DPYSL4: variants seen among roughly 807,000 people sequenced by gnomAD.
DPYSL4 encodes dihydropyrimidinase like 4.
Under a neutral mutation model 63.4 loss-of-function variants are expected in DPYSL4, and 43 were observed. The observed-to-expected ratio is 0.68, with a 90% CI of 0.53 to 0.88. The LOEUF is 0.88. Among genes scored for constraint, DPYSL4 ranks in the 40% least tolerant of loss-of-function variants. The pLI, the probability that DPYSL4 is intolerant of heterozygous loss-of-function variation, is 0.00. For missense variants in DPYSL4, 733 were observed against 819.5 expected (o/e 0.89, Z 1.29); for synonymous variants, 353 against 331.7 (o/e 1.06, Z -0.70).
chr10:132,190,158 GTGA>G (rs1269426332), intron 1 of DPYSL4, among the ~76,000 whole-genome samples: 13 of 152,290 alleles, frequency 8.5e-5, no homozygotes, highest in Admixed American at 8.5e-4. Flanking sequence ...GTCACCGACT[GTGA>G]TGATCTGTGC....
Position 132,195,015 on chromosome 10 carries a change from G to T in DPYSL4, c.478+6G>T. ...GGCCCTGGTCAAGGAGAAGGGTGAG[G>T]GTGGCTGGAGGGGCTGGAGGGCGGG... On this transcript the variant is annotated splice_donor_region_variant and intron_variant, in intron 4 of 13. Coordinates refer to ENST00000338492, the MANE Select transcript of DPYSL4 (RefSeq NM_006426.3). The T allele has an allele frequency of 6.2e-7, 1 of 1,600,300 alleles. No individual in the cohort carries two copies. Among genetic ancestry groups the T allele is most frequent in the Non-Finnish European group, 8.5e-7 (1 of 1,179,166 alleles).
chr10:132,203,162 C>A (rs552233580), intron 12 of DPYSL4, among the ~76,000 whole-genome samples: 3 of 152,222 alleles, frequency 2.0e-5, no homozygotes, highest in Non-Finnish European at 4.4e-5. Context: ...CGGGAGCTGC[C>A]CAGTTGGACC....
chr10:132,188,086 T>A (rs2061828896), intron 1 of DPYSL4, among the ~76,000 whole-genome samples: 1 of 152,138 alleles, frequency 6.6e-6, no homozygotes, highest in Non-Finnish European at 1.5e-5. Context: ...CAGAGGGTTC[T>A]GCCCGGCTGG....
chr10:132,198,747 T>A, intron 7 of DPYSL4, 104 bp from the exon 8 acceptor site: 1 of 1,525,166 alleles, frequency 6.6e-7, no homozygotes, highest in Non-Finnish European at 8.9e-7. Context: ...TAGGCTGCCC[T>A]GAGCCTGGGA....
rs185862088 is a variant in DPYSL4 at position 132,187,359 on chromosome 10, G to C, written c.39+257G>C. Among the ~76,000 whole-genome samples, 152 of 28,638 alleles carry C rather than the reference G, an allele frequency of 5.3e-3. 1 individual carries two copies. The highest frequency in any genetic ancestry group is 0.012 in the Middle Eastern group (1 of 84). The allele number at this position is 28,638 out of a possible 152,430, so 18.8% of individuals were successfully genotyped here. ...CGGCCCGGCCCTGCCCGGCCCTGCCGGGCCCTGCCGGGCCCTGCCCGGCCT... is the reference window on the plus strand; with the variant it reads ...CGGCCCGGCCCTGCCCGGCCCTGCCCGGCCCTGCCGGGCCCTGCCCGGCCT... On this transcript the variant is annotated intron_variant, in intron 1 of 13. Coordinates refer to ENST00000338492, the MANE Select transcript of DPYSL4 (RefSeq NM_006426.3).
Position 132,202,816 on chromosome 10 carries a change from T to C in DPYSL4, c.1452T>C (p.Ala484=), listed in dbSNP as rs752415311. ...ACTTTGTCTACAAGAGGATCAAAGC[T>C]CGCAACAGGGTAGGGCGGCACCCGC... ...FPDFVYKRIK[A]RNRLAEIHGV... The change falls in exon 12 of 14, where the codon GCT becomes GCC. Residue 484 remains alanine (A), a synonymous_variant. Transcript: ENST00000338492. 3 of 1,598,616 alleles carry C rather than the reference T, an allele frequency of 1.9e-6. No individual in the cohort carries two copies. The South Asian group carries it at 3.4e-5, about 18-fold the overall frequency.
In DPYSL4 at chr10:132,203,859, C is replaced by T. The variant is rs953495209; in HGVS notation, c.1559C>T (p.Ala520Val). ...CCAGGGAGTGGCGCTCCGGCCCGCGCGTCCTGCCCAGGCAAGATCTCCGTC... is the reference window on the plus strand; with the variant it reads ...CCAGGGAGTGGCGCTCCGGCCCGCGTGTCCTGCCCAGGCAAGATCTCCGTC... ...AKPGSGAPARASCPGKISVPP... is the reference protein window; with the variant it reads ...AKPGSGAPARVSCPGKISVPP... The change falls in exon 13 of 14, where the codon GCG becomes GTG. Residue 520 changes from alanine to valine, a missense_variant. By Grantham distance (64) the Ala-to-Val change is moderately conservative. Coordinates refer to ENST00000338492, the MANE Select transcript of DPYSL4 (RefSeq NM_006426.3). 20 of 1,612,892 alleles carry T rather than the reference C, an allele frequency of 1.2e-5. No homozygotes were observed. Among genetic ancestry groups the T allele is most frequent in the Middle Eastern group, 1.6e-4 (1 of 6,082 alleles).
intron 1 of DPYSL4, among the ~76,000 whole-genome samples, chr10:132,189,179 C>T (rs1280869312): frequency 1.3e-5 from 2 of 152,270 alleles, no homozygotes. Context: ...GCGGCCGGAC[C>T]TCCCTGTTAA....
At chr10:132,198,590 T>C in intron 7 of DPYSL4, 107 bp downstream of exon 7, 1 of 1,236,662 alleles carries the variant, frequency 8.1e-7, no homozygotes, top group Non-Finnish European at 1.1e-6. Flanking sequence ...GCCACTGTGC[T>C]CGCCCCGACC....
intron 1 of DPYSL4, among the ~76,000 whole-genome samples, chr10:132,187,845 C>A (rs1168785192): frequency 2.0e-5 from 3 of 152,214 alleles, no homozygotes; most frequent in Non-Finnish European, 4.4e-5. Context: ...AAAGCCTCCC[C>A]GCTCGGGCGG....
chr10:132,194,952 A>G lies in DPYSL4; in HGVS notation c.421A>G (p.Ile141Val). 3 of 1,611,524 alleles carry G rather than the reference A, an allele frequency of 1.9e-6. No individual in the cohort carries two copies. The highest frequency in any genetic ancestry group is 1.1e-5 in the South Asian group (1 of 91,070). ...CTGCGACTACTCCCTGCACGTGGAC[A>G]TCACCCGATGGCATGAGAGCATCAA... Reference protein sequence around the residue: ...ACCDYSLHVDITRWHESIKEE... With the variant: ...ACCDYSLHVDVTRWHESIKEE... Residue 141 changes from isoleucine (I) to valine (V), a missense_variant, in exon 4 of 14, where the codon ATC (isoleucine) becomes GTC (valine). Physicochemically the swap from Ile to Val is conservative, Grantham distance 29. Coordinates refer to ENST00000338492, the MANE Select transcript of DPYSL4 (RefSeq NM_006426.3).
chr10:132,199,460 C>T (rs1010055374), intron 8 of DPYSL4, among the ~76,000 whole-genome samples: 1 of 151,936 alleles, frequency 6.6e-6, no homozygotes, highest in Admixed American at 6.5e-5. Flanking sequence ...GTGGTGTCCC[C>T]CAGAGGCTAC....
Position 132,197,006 on chromosome 10 carries a change from C to T in DPYSL4, c.541-15C>T, listed in dbSNP as rs2061954526. ...GGCGCAGCCCCACCCAGGACGCCAC[C>T]ACTTCTCTTCCCAGATGTACGAGAT... On this transcript the variant is annotated splice_polypyrimidine_tract_variant and intron_variant, in intron 5 of 13. Transcript: ENST00000338492. 1 of 1,611,254 alleles carries T rather than the reference C, an allele frequency of 6.2e-7. No individual in the cohort carries two copies. The highest frequency in any genetic ancestry group is 1.3e-5 in the African/African-American group (1 of 74,920).
At chr10:132,200,322 CG>C (rs1565044721) in intron 8 of DPYSL4, 33 bp from the exon 9 acceptor site, 3 of 1,609,046 alleles carry the variant, frequency 1.9e-6, no homozygotes. Flanking sequence ...TGCAGGTGGT[CG>C]GTGGGGCACC....
intron 4 of DPYSL4, among the ~76,000 whole-genome samples, chr10:132,196,013 C>T (rs1312498402): frequency 2.0e-5 from 3 of 152,242 alleles, no homozygotes; most frequent in Non-Finnish European, 4.4e-5. Flanking sequence ...CTTCCTCAGA[C>T]ACTCGGGGGC....
intron 1 of DPYSL4, among the ~76,000 whole-genome samples, chr10:132,188,119 C>T (rs1268916896): frequency 1.3e-5 from 2 of 152,146 alleles, no homozygotes; most frequent in Non-Finnish European, 2.9e-5. Flanking sequence ...TGCAGGAGGT[C>T]TTGCCAGTCA....
At chr10:132,200,707 G>A in intron 9 of DPYSL4, 135 bp from the exon 10 acceptor site, 1 of 1,376,460 alleles carries the variant, frequency 7.3e-7, no homozygotes, top group Non-Finnish European at 9.7e-7. Context: ...CTGCACAGAG[G>A]CACCAGCTCT....
rs576059999 is a variant in DPYSL4 at position 132,205,047 on chromosome 10, C to A, written c.*117C>A. 2.6e-6 allele frequency: 2 copies of A among 781,280 alleles called. No homozygotes were observed. Among genetic ancestry groups the A allele is most frequent in the South Asian group, 2.3e-5 (1 of 43,588 alleles). 48.4% of individuals were successfully genotyped at this position (781,280 alleles called of 1,614,324 possible). Reference sequence around the variant, plus strand: ...GTAGAAGTTTCTCGAAGGTGCTTGGCGGTCTTGCCTTCCCCCTCCCCACAG... The same window carrying A: ...GTAGAAGTTTCTCGAAGGTGCTTGGAGGTCTTGCCTTCCCCCTCCCCACAG... On this transcript the variant is annotated 3_prime_UTR_variant, in exon 14 of 14. Coordinates refer to ENST00000338492, the MANE Select transcript of DPYSL4 (RefSeq NM_006426.3).
rs748219695 is a variant in DPYSL4, at chr10:132,202,836, A to T, written c.1461+11A>T. 6.3e-7 allele frequency: 1 copy of T among 1,578,352 alleles called. No homozygotes were observed. Among genetic ancestry groups the T allele is most frequent in the East Asian group, 2.2e-5 (1 of 44,618 alleles). Reference sequence around the variant, plus strand: ...AAAGCTCGCAACAGGGTAGGGCGGCACCCGCAAGGGTGTTGTGCAGGTAGG... The same window carrying T: ...AAAGCTCGCAACAGGGTAGGGCGGCTCCCGCAAGGGTGTTGTGCAGGTAGG... On this transcript the variant is annotated intron_variant, in intron 12 of 13. Coordinates refer to ENST00000338492, the MANE Select transcript of DPYSL4 (RefSeq NM_006426.3).
Sources: gnomAD v4.1 joint callset for allele counts (sites outside exome capture counted in the v4.1 genomes callset) on GRCh38, gnomAD v4.1.1 for gene constraint, MANE v1.5 for transcripts, NCBI Gene and HGNC (gene_info 2026-07-23, HGNC 2026-07-21) for gene names.